The following SETBP1 variants were observed in gnomAD, a reference collection of about 807,000 sequenced individuals.
SETBP1 encodes SET binding protein 1.
Under a neutral mutation model 101.0 loss-of-function variants are expected in SETBP1, and 9 were observed. The observed-to-expected ratio is 0.09, with a 90% confidence interval of 0.05 to 0.16. The LOEUF (loss-of-function observed/expected upper bound fraction) is 0.16, where lower values mean the gene tolerates loss of function less well. Among genes scored for constraint, SETBP1 ranks in the 10% least tolerant of loss-of-function variants. The pLI is 1.00. For synonymous variants in SETBP1, 818 were observed against 788.5 expected, an observed-to-expected ratio of 1.04 and a Z score of -0.63; for missense variants, 1,858 against 2,033.8, an observed-to-expected ratio of 0.91 and a Z score of 1.66.
At chr18:44,696,604 C>T (rs1478955219) in intron 1 of SETBP1, among the ~76,000 whole-genome samples, 1 of 152,198 alleles carries the variant, frequency 6.6e-6, no homozygotes, top group African/African-American at 2.4e-5. Context: ...CAGGATTCCC[C>T]TGGCCATTCA....
At chr18:44,687,733 A>C (rs2068861260) in intron 1 of SETBP1, among the ~76,000 whole-genome samples, 1 of 152,012 alleles carries the variant, frequency 6.6e-6, no homozygotes, top group Non-Finnish European at 1.5e-5. Flanking sequence ...GCTTCCTGTC[A>C]GGTGGCATCT....
chr18:44,840,282 GA>G (rs1457411023), intron 2 of SETBP1, among the ~76,000 whole-genome samples: 1 of 152,218 alleles, frequency 6.6e-6, no homozygotes, highest in Non-Finnish European at 1.5e-5. Context: ...CGCAGCCAAT[GA>G]GCCAGCATGC....
At chr18:45,060,789 C>T (rs1379126781) in intron 5 of SETBP1, among the ~76,000 whole-genome samples, 1 of 151,978 alleles carries the variant, frequency 6.6e-6, no homozygotes, top group Non-Finnish European at 1.5e-5. Context: ...GGTTTGTTTA[C>T]TTATTTATTT....
At chr18:45,002,564 C>T (rs77835168) in intron 4 of SETBP1, among the ~76,000 whole-genome samples, 11,243 of 152,158 alleles carry the variant, frequency 0.074, 476 homozygotes, top group South Asian at 0.17. Flanking sequence ...TCCACACCCT[C>T]GATCTTTTAT....
At chr18:45,049,136 A>G (rs928556655) in intron 5 of SETBP1, among the ~76,000 whole-genome samples, 13 of 152,216 alleles carry the variant, frequency 8.5e-5, no homozygotes, top group Admixed American at 8.5e-4. Flanking sequence ...TAACAAAACT[A>G]TTATTCAGCA....
At position 44,747,916 on chromosome 18, in the gene SETBP1, G is replaced by C. The variant is rs183861907; in HGVS notation, c.486+46084G>C. On this transcript the variant is annotated intron_variant, in intron 2 of 5. Transcript: ENST00000649279. The stretch of plus-strand genomic sequence containing the variant: ...CAGCTATCCCTAGACTGCACTCCTA[G>C]TTCTGATTCTTATGTAGAGACAGCC... Among the ~76,000 whole-genome samples the C allele has an allele frequency of 2.2e-4, 33 of 152,324 alleles. 1 individual carries two copies. The highest frequency in any genetic ancestry group is 5.2e-4 in the Admixed American group (8 of 15,310).
chr18:44,799,670 G>A (rs952983709), intron 2 of SETBP1, among the ~76,000 whole-genome samples: 2 of 152,104 alleles, frequency 1.3e-5, no homozygotes, highest in South Asian at 2.1e-4. Flanking sequence ...CTGGGGATGC[G>A]GAGCTAAAAA....
intron 4 of SETBP1, among the ~76,000 whole-genome samples, chr18:45,003,258 C>T (rs1265311290): frequency 6.6e-6 from 1 of 152,232 alleles, no homozygotes; most frequent in Non-Finnish European, 1.5e-5. Flanking sequence ...TTTAGTTCCT[C>T]ATCCATGAGC....
In SETBP1 at chr18:45,066,607, CA is replaced by C. The variant is rs1363881008; in HGVS notation, c.*2910del. On this transcript the variant is annotated 3_prime_UTR_variant, in exon 6 of 6. Coordinates refer to ENST00000649279, the MANE Select transcript of SETBP1 (RefSeq NM_015559.3). ...CGGTTGCAGAGCTAGGAAGAAAACC[CA>C]GCTCTCCCAACCCTGATCGTGGAGG... The C allele has an allele frequency of 6.6e-6, 1 of 152,066 alleles. No individual in the cohort carries two copies. The highest frequency in any genetic ancestry group is 1.5e-5 in the Non-Finnish European group (1 of 68,014). The allele number at this position is 152,066 out of a possible 1,614,324, so 9.4% of individuals were successfully genotyped here. A position where few individuals can be genotyped will look rare whatever the true frequency, so the allele number is the denominator to read the frequency against.
chr18:44,773,144 A>C (rs1396085546), intron 2 of SETBP1, among the ~76,000 whole-genome samples: 1 of 152,184 alleles, frequency 6.6e-6, no homozygotes, highest in Non-Finnish European at 1.5e-5. Context: ...TATCCATCTA[A>C]AATCTACAGT....
intron 2 of SETBP1, among the ~76,000 whole-genome samples, chr18:44,756,965 G>A (rs2070511005): frequency 6.6e-6 from 1 of 152,156 alleles, no homozygotes. Context: ...CACAAATGTG[G>A]CATTTTGGTG....
chr18:44,839,913 A>G (rs1280210846), intron 2 of SETBP1, among the ~76,000 whole-genome samples: 3 of 152,242 alleles, frequency 2.0e-5, no homozygotes, highest in Admixed American at 6.5e-5. Flanking sequence ...GTGGAGAACA[A>G]TCATATTGAT....
In SETBP1 at chr18:44,883,106, T is replaced by G. The variant is rs563949246; in HGVS notation, c.540+13823T>G. On this transcript the variant is annotated intron_variant, in intron 3 of 5. Transcript: ENST00000649279. ...TGGCAGAGATGGAGCTGCCTCATCCTGCCTTCTCATTAGCATGGAATGGAA... is the reference window on the plus strand; with the variant it reads ...TGGCAGAGATGGAGCTGCCTCATCCGGCCTTCTCATTAGCATGGAATGGAA... 1.6e-4 allele frequency among the ~76,000 whole-genome samples: 24 copies of G among 152,336 alleles called. No individual in the cohort carries two copies. The South Asian group carries it at 4.6e-3, about 29-fold the overall frequency.
intron 3 of SETBP1, among the ~76,000 whole-genome samples, chr18:44,938,241 A>T (rs1042403125): frequency 6.6e-6 from 1 of 152,062 alleles, no homozygotes. Flanking sequence ...TGGCTCCCCC[A>T]CCAGGAGCGT....
At chr18:44,860,457 G>A (rs2068978622) in intron 2 of SETBP1, among the ~76,000 whole-genome samples, 1 of 152,176 alleles carries the variant, frequency 6.6e-6, no homozygotes, top group African/African-American at 2.4e-5. Flanking sequence ...CATACTGCCT[G>A]CAAGATTGGC....
chr18:44,900,573 T>C (rs1272765254), intron 3 of SETBP1, among the ~76,000 whole-genome samples: 1 of 152,204 alleles, frequency 6.6e-6, no homozygotes, highest in East Asian at 1.9e-4. Flanking sequence ...AGTACCTTTC[T>C]AGATTCATAG....
At chr18:44,763,592 T>C (rs779515372) in intron 2 of SETBP1, among the ~76,000 whole-genome samples, 2 of 152,230 alleles carry the variant, frequency 1.3e-5, no homozygotes, top group Non-Finnish European at 2.9e-5. Context: ...TCAAGAGAGA[T>C]AGTAAATGGC....
intron 4 of SETBP1, among the ~76,000 whole-genome samples, chr18:45,023,516 A>G (rs1308677983): frequency 6.6e-6 from 1 of 152,194 alleles, no homozygotes; most frequent in African/African-American, 2.4e-5. Context: ...CGTGCACAAA[A>G]CTGCTTCCTT....
chr18:45,038,201 C>A (rs938871734), intron 4 of SETBP1, among the ~76,000 whole-genome samples: 3 of 152,156 alleles, frequency 2.0e-5, no homozygotes, highest in African/African-American at 7.2e-5. Flanking sequence ...CCTCAAAAGG[C>A]AAAGGGGCAC....
Sources: gnomAD v4.1 joint callset for allele counts (sites outside exome capture counted in the v4.1 genomes callset) on GRCh38, gnomAD v4.1.1 for gene constraint, MANE v1.5 for transcripts, NCBI Gene and HGNC (gene_info 2026-07-23, HGNC 2026-07-21) for gene names.